The following NHERF1 variants were observed in gnomAD, a reference collection of about 807,000 sequenced individuals.
NHERF1 encodes NHERF family PDZ scaffold protein 1.
At chr17:74,760,012 C>T in the NHERF1 span, among the ~76,000 whole-genome samples, 1 of 152,220 alleles carries the variant, frequency 6.6e-6, no homozygotes, top group Non-Finnish European at 1.5e-5. The surrounding 1 kb of genome is among the most constrained non-coding windows in gnomAD (Gnocchi z 4.5). Flanking sequence ...CCTGCCTGTC[C>T]TGAGATTTCA....
the NHERF1 span, among the ~76,000 whole-genome samples, chr17:74,753,946 T>C: frequency 6.6e-6 from 1 of 151,184 alleles, no homozygotes; most frequent in African/African-American, 2.4e-5. Flanking sequence ...AGGTCAGGAG[T>C]TGAGGTCAGG....
At chr17:74,763,149 C>T in the NHERF1 span, 1 of 517,496 alleles carries the variant, frequency 1.9e-6, no homozygotes, top group Non-Finnish European at 3.4e-6. Flanking sequence ...TTTTCGTTGG[C>T]CCTTCCCATG....
At chr17:74,755,974 G>A in the NHERF1 span, among the ~76,000 whole-genome samples, 6 of 145,276 alleles carry the variant, frequency 4.1e-5, no homozygotes, top group Admixed American at 2.1e-4. Flanking sequence ...TTTTTTTGGA[G>A]GCAGAGTCTC....
the NHERF1 span, among the ~76,000 whole-genome samples, chr17:74,758,270 C>A: frequency 6.6e-6 from 1 of 152,204 alleles, no homozygotes; most frequent in African/African-American, 2.4e-5. The surrounding 1 kb of genome is among the most constrained non-coding windows in gnomAD (Gnocchi z 4.3). Flanking sequence ...GATGGGGCGG[C>A]CACTTAGGGC....
chr17:74,764,716 G>A, the NHERF1 span, among the ~76,000 whole-genome samples: 1 of 152,202 alleles, frequency 6.6e-6, no homozygotes, highest in African/African-American at 2.4e-5. This position sits in a 1 kb window ranked among gnomAD's most constrained non-coding sequence, Gnocchi z 4.9. Flanking sequence ...GCAGCCTCTG[G>A]CCAAAGGACC....
At chr17:74,764,652 T>G in the NHERF1 span, among the ~76,000 whole-genome samples, 2 of 152,180 alleles carry the variant, frequency 1.3e-5, no homozygotes, top group African/African-American at 4.8e-5. This position sits in a 1 kb window ranked among gnomAD's most constrained non-coding sequence, Gnocchi z 4.9. Context: ...TGCAGGTAAT[T>G]GGCCCCCTCA....
chr17:74,762,252 A>C, the NHERF1 span: 4 of 1,445,432 alleles, frequency 2.8e-6, no homozygotes, highest in Admixed American at 1.8e-5. The surrounding 1 kb of genome is among the most constrained non-coding windows in gnomAD (Gnocchi z 4.2). Context: ...CCATCATACC[A>C]TCATGGGCTT....
the NHERF1 span, chr17:74,763,182 G>A: frequency 1.7e-6 from 1 of 576,950 alleles, no homozygotes. Context: ...CCAGCTGACT[G>A]TCAATGGGAG....
chr17:74,763,232 G>C, the NHERF1 span: 6 of 740,104 alleles, frequency 8.1e-6, no homozygotes, highest in East Asian at 1.6e-4. Flanking sequence ...AAATGGCGGG[G>C]GTCAGTATCC....
At chr17:74,761,501 A>G in the NHERF1 span, among the ~76,000 whole-genome samples, 1 of 152,106 alleles carries the variant, frequency 6.6e-6, no homozygotes, top group Admixed American at 6.6e-5. This position sits in a 1 kb window ranked among gnomAD's most constrained non-coding sequence, Gnocchi z 4.3. Context: ...AAACACACTG[A>G]CCAGCTTTCA....
the NHERF1 span, among the ~76,000 whole-genome samples, chr17:74,760,002 C>T: frequency 6.6e-6 from 1 of 152,292 alleles, no homozygotes; most frequent in Admixed American, 6.5e-5. This position sits in a 1 kb window ranked among gnomAD's most constrained non-coding sequence, Gnocchi z 4.5. Context: ...AGAGCTGCCC[C>T]CTGCCTGTCC....
the NHERF1 span, among the ~76,000 whole-genome samples, chr17:74,757,141 A>G: frequency 1.3e-5 from 2 of 152,134 alleles, no homozygotes; most frequent in African/African-American, 4.8e-5. Context: ...GTGGGTCTCC[A>G]TGGCTGGCAC....
chr17:74,751,776 G>A, the NHERF1 span, among the ~76,000 whole-genome samples: 1 of 152,238 alleles, frequency 6.6e-6, no homozygotes, highest in African/African-American at 2.4e-5. The surrounding 1 kb of genome is among the most constrained non-coding windows in gnomAD (Gnocchi z 4.3). Flanking sequence ...AAACCCTTGA[G>A]TCTGGGTTCA....
the NHERF1 span, among the ~76,000 whole-genome samples, chr17:74,755,371 C>T: frequency 6.6e-6 from 1 of 152,224 alleles, no homozygotes; most frequent in Non-Finnish European, 1.5e-5. Context: ...CCCGCCCTCA[C>T]TCCCCAGAAC....
At chr17:74,760,919 T>C in the NHERF1 span, among the ~76,000 whole-genome samples, 2 of 152,302 alleles carry the variant, frequency 1.3e-5, no homozygotes, top group African/African-American at 4.8e-5. The surrounding 1 kb of genome is among the most constrained non-coding windows in gnomAD (Gnocchi z 4.5). Flanking sequence ...CATTGTCTGA[T>C]GTGCTGAGTG....
chr17:74,768,840 T>C, the NHERF1 span: 3 of 613,014 alleles, frequency 4.9e-6, no homozygotes. Flanking sequence ...TGTGTTCCCG[T>C]CCTCCCGCAG....
the NHERF1 span, among the ~76,000 whole-genome samples, chr17:74,767,445 G>A: frequency 6.6e-6 from 1 of 152,190 alleles, no homozygotes; most frequent in Non-Finnish European, 1.5e-5. Context: ...AGGAACCCAG[G>A]AAGGGGCTGG....
chr17:74,768,168 G>T, the NHERF1 span: 1 of 1,612,838 alleles, frequency 6.2e-7, no homozygotes, highest in South Asian at 1.1e-5. Context: ...TGAAGCCCTG[G>T]CAGAGGCAGC....
the NHERF1 span, among the ~76,000 whole-genome samples, chr17:74,766,627 G>A: frequency 1.3e-5 from 2 of 151,912 alleles, no homozygotes; most frequent in Admixed American, 1.3e-4. Flanking sequence ...CATCAAAATG[G>A]CAAACGTAGG....
Sources: allele counts gnomAD v4.1 joint callset (sites outside exome capture counted in the v4.1 genomes callset), GRCh38; gene constraint gnomAD v4.1.1; non-coding constraint Gnocchi (gnomAD v3.1); transcripts MANE v1.5; gene names NCBI Gene and HGNC (gene_info 2026-07-23, HGNC 2026-07-21).